TAB1: variants seen among roughly 807,000 people sequenced by gnomAD.
The protein encoded by TAB1 is TGF-beta activated kinase 1 (MAP3K7) binding protein 1.
TAB1 carries 30 observed loss-of-function variants against 54.5 expected under a neutral mutation model. That is an observed-to-expected ratio of 0.55 (90% CI 0.41 to 0.75). The LOEUF is 0.75. Among genes scored for constraint, TAB1 ranks in the 30% least tolerant of loss-of-function variants. The pLI is 0.00. For synonymous variants in TAB1, 289 were observed against 286.9 expected, an observed-to-expected ratio of 1.01 and a Z score of -0.07; for missense variants, 609 against 683.2, an observed-to-expected ratio of 0.89 and a Z score of 1.21.
Position 39,430,648 on chromosome 22 carries a change from C to G in TAB1, c.*426C>G, listed in dbSNP as rs1246838705. 9.2e-7 allele frequency: 1 copy of G among 1,083,664 alleles called. No individual in the cohort carries two copies. Among genetic ancestry groups the G allele is most frequent in the East Asian group, 6.6e-5 (1 of 15,162 alleles). The allele number at this position is 1,083,664 out of a possible 1,614,324, so 67.1% of individuals were successfully genotyped here. ...CCTCCCACCATCACCTCCCTCACCT[C>G]GGGACAGTAGCCCTCCACTTCTCCA... is the stretch of plus-strand genomic sequence containing the variant. On this transcript the variant is annotated 3_prime_UTR_variant, in exon 11 of 11. Transcript: ENST00000216160.
intron 9 of TAB1, among the ~76,000 whole-genome samples, chr22:39,427,194 C>A (rs1329860709): frequency 6.6e-6 from 1 of 152,262 alleles, no homozygotes; most frequent in African/African-American, 2.4e-5. Context: ...CCTGAAGCCA[C>A]ATAATAGAGA....
rs1249420476 is a variant in TAB1, at chr22:39,429,122, C to T, written c.1308-893C>T. ...CCTCCCCTGCCTGTGTTCCTCACTC[C>T]TTTCAGCGTCTGAGCCATAGTTGGT... is the stretch of plus-strand genomic sequence containing the variant. On this transcript the variant is annotated intron_variant, in intron 10 of 10. Coordinates refer to ENST00000216160, the MANE Select transcript of TAB1 (RefSeq NM_006116.3). 8 of 985,362 alleles carry T rather than the reference C, an allele frequency of 8.1e-6. No individual in the cohort carries two copies. In the East Asian group the frequency reaches 7.9e-4, roughly 98 times the overall value. The allele number at this position is 985,362 out of a possible 1,614,324, so 61.0% of individuals were successfully genotyped here.
chr22:39,431,852 T>C lies in TAB1; in HGVS notation c.*1630T>C. 2.0e-6 allele frequency: 2 copies of C among 985,458 alleles called. No individual in the cohort carries two copies. The highest frequency in any genetic ancestry group is 4.7e-5 in the South Asian group (1 of 21,292). The allele number at this position is 985,458 out of a possible 1,614,324, so 61.0% of individuals were successfully genotyped here. ...CTTTTTTAATGTAGTAAAGAAGTAA[T>C]AAATGGTGGCATTACACATTGTGAT... On this transcript the variant is annotated 3_prime_UTR_variant, in exon 11 of 11. Coordinates refer to ENST00000216160, the MANE Select transcript of TAB1 (RefSeq NM_006116.3).
intron 3 of TAB1, among the ~76,000 whole-genome samples, chr22:39,416,492 G>A (rs1043180537): frequency 2.0e-5 from 3 of 152,234 alleles, no homozygotes; most frequent in African/African-American, 7.2e-5. Context: ...CTGGGCCTAC[G>A]CCAAGCCTTT....
chr22:39,425,220 A>C (rs1340560062), intron 8 of TAB1, among the ~76,000 whole-genome samples: 1 of 144,562 alleles, frequency 6.9e-6, no homozygotes, highest in Non-Finnish European at 1.5e-5. Context: ...TAAAAATACA[A>C]AAAAAAAAAA....
At chr22:39,428,799 G>A (rs1927461542) in intron 10 of TAB1, among the ~76,000 whole-genome samples, 1 of 152,262 alleles carries the variant, frequency 6.6e-6, no homozygotes, top group Admixed American at 6.5e-5. Flanking sequence ...CCCACTCTGA[G>A]GATGGAGTGC....
downstream of TAB1, chr22:39,431,959 G>A (rs1313941875): frequency 8.2e-6 from 7 of 854,998 alleles, no homozygotes; most frequent in Non-Finnish European, 9.8e-6. Flanking sequence ...CTGCCCTGGA[G>A]GTTCAAGAAC....
chr22:39,432,149 C>T (rs1927610694), downstream of TAB1, among the ~76,000 whole-genome samples: 2 of 152,226 alleles, frequency 1.3e-5, no homozygotes, highest in African/African-American at 2.4e-5. Context: ...TTCCCTGCTG[C>T]AGGCCAAGCC....
chr22:39,401,760 C>T (rs1181231755), intron 1 of TAB1, among the ~76,000 whole-genome samples: 1 of 152,192 alleles, frequency 6.6e-6, no homozygotes, highest in African/African-American at 2.4e-5. Context: ...GGGATGTCAT[C>T]AGAAGGCCCC....
rs1190651040 is a variant in TAB1, at chr22:39,430,698, T to C, written c.*476T>C. 6.8e-6 allele frequency: 7 copies of C among 1,035,966 alleles called. No homozygotes were observed. Among genetic ancestry groups the C allele is most frequent in the Non-Finnish European group, 8.2e-6 (7 of 858,396 alleles). 64.2% of individuals were successfully genotyped at this position (1,035,966 alleles called of 1,614,324 possible). A position where few individuals can be genotyped will look rare whatever the true frequency, so the allele number is the denominator to read the frequency against. On this transcript the variant is annotated 3_prime_UTR_variant, in exon 11 of 11. Transcript: ENST00000216160. Reference sequence around the variant, plus strand: ...AGCCTCTCAGCCCTGTGCTCCTGCATCCAGAGTGGAACCCAGGCTGGTGTC... The same window carrying C: ...AGCCTCTCAGCCCTGTGCTCCTGCACCCAGAGTGGAACCCAGGCTGGTGTC...
chr22:39,415,639 C>T lies in TAB1; in HGVS notation c.310C>T (p.Arg104Cys), dbSNP rs779843526. ...NAEHAEADVR[R>C]VLLQAFDVVE... ...CGAGCACGCCGAGGCCGATGTGCGGCGTGTGCTGCTGCAGGTAATGGTGCC... is the reference window on the plus strand; with the variant it reads ...CGAGCACGCCGAGGCCGATGTGCGGTGTGTGCTGCTGCAGGTAATGGTGCC... Residue 104 changes from arginine to cysteine, a missense_variant, in exon 3 of 11, where the codon CGT becomes TGT. By Grantham distance (180) the Arg-to-Cys change is radical (BLOSUM62 -3). Transcript: ENST00000216160. This position sits in a 1 kb window ranked among gnomAD's most constrained non-coding sequence, Gnocchi z 4.9. The T allele has an allele frequency of 6.2e-6, 10 of 1,610,200 alleles. No individual in the cohort carries two copies. The highest frequency in any genetic ancestry group is 8.5e-6 in the Non-Finnish European group (10 of 1,179,690).
chr22:39,424,785 A>G (rs1319922023), intron 8 of TAB1, among the ~76,000 whole-genome samples: 1 of 151,998 alleles, frequency 6.6e-6, no homozygotes, highest in Non-Finnish European at 1.5e-5. Flanking sequence ...TAAGCTTACC[A>G]TTCCTTCCAG....
intron 1 of TAB1, among the ~76,000 whole-genome samples, chr22:39,407,837 G>T (rs548131130): frequency 6.6e-6 from 1 of 152,038 alleles, no homozygotes; most frequent in Non-Finnish European, 1.5e-5. Flanking sequence ...AGCCAGGATG[G>T]TCTCAATCTC....
intron 1 of TAB1, among the ~76,000 whole-genome samples, chr22:39,408,618 T>G (rs2145659119): frequency 6.6e-6 from 1 of 152,318 alleles, no homozygotes; most frequent in Non-Finnish European, 1.5e-5. Flanking sequence ...TTCTTCTGCC[T>G]CAGCCTTCCG....
At chr22:39,419,877 C>A (rs902885065) in intron 7 of TAB1, among the ~76,000 whole-genome samples, 4 of 152,058 alleles carry the variant, frequency 2.6e-5, no homozygotes, top group African/African-American at 9.7e-5. Context: ...AGAGCCCAGG[C>A]AAACTCTTTC....
At chr22:39,418,892 C>T (rs1042505689) in intron 6 of TAB1, 47 bp downstream of exon 6, 2 of 1,469,698 alleles carry the variant, frequency 1.4e-6, no homozygotes, top group Admixed American at 1.7e-5. Context: ...TGGGCTCACC[C>T]TTCGCCTGCC....
At position 39,415,253 on chromosome 22, in the gene TAB1, C is replaced by A; in HGVS notation, c.170+111C>A. ...TATGGGCTTGCCAGTGACATGTGGC[C>A]CGTGAGAGGTGGCCTCTGCTGCTGT... is the stretch of plus-strand genomic sequence containing the variant. On this transcript the variant is annotated intron_variant, in intron 2 of 10. Coordinates refer to ENST00000216160, the MANE Select transcript of TAB1 (RefSeq NM_006116.3). The surrounding 1 kb of genome is among the most constrained non-coding windows in gnomAD (Gnocchi z 4.9). The A allele has an allele frequency of 7.3e-7, 1 of 1,361,354 alleles. No individual in the cohort carries two copies. Among genetic ancestry groups the A allele is most frequent in the Non-Finnish European group, 1.0e-6 (1 of 1,004,644 alleles). 84.3% of individuals were successfully genotyped at this position (1,361,354 alleles called of 1,614,324 possible).
intron 1 of TAB1, among the ~76,000 whole-genome samples, chr22:39,409,466 C>G (rs764848974): frequency 7.9e-5 from 12 of 152,264 alleles, no homozygotes; most frequent in Admixed American, 3.9e-4. Context: ...CCCTCCCCCC[C>G]AGGCACATAC....
intron 4 of TAB1, 124 bp from the exon 5 acceptor site, chr22:39,417,587 C>A: frequency 1.0e-6 from 1 of 993,818 alleles, no homozygotes; most frequent in Non-Finnish European, 1.4e-6. Context: ...TGCCACTGCA[C>A]TGTAGCCTGG....
Sources: allele counts gnomAD v4.1 joint callset (sites outside exome capture counted in the v4.1 genomes callset), GRCh38; gene constraint gnomAD v4.1.1; non-coding constraint Gnocchi (gnomAD v3.1); transcripts MANE v1.5; gene names NCBI Gene and HGNC (gene_info 2026-07-23, HGNC 2026-07-21).